The following MED15 variants were observed in gnomAD, a reference collection of about 807,000 sequenced individuals.
MED15 encodes the protein mediator complex subunit 15.
In MED15, 41 loss-of-function variants were observed where a neutral mutation model predicts 118.7. The observed-to-expected ratio is 0.35, with a 90% CI of 0.27 to 0.45. The LOEUF (loss-of-function observed/expected upper bound fraction) is 0.45, where lower values mean the gene tolerates loss of function less well. Among genes scored for constraint, MED15 ranks in the 20% least tolerant of loss-of-function variants. The pLI is 1.00. For synonymous variants in MED15, 436 were observed against 413.9 expected, an observed-to-expected ratio of 1.05 and a Z score of -0.65; for missense variants, 740 against 1,025.5, an observed-to-expected ratio of 0.72 and a Z score of 3.80.
chr22:20,573,518 G>A (rs186756633), intron 8 of MED15, among the ~76,000 whole-genome samples: 114 of 152,208 alleles, frequency 7.5e-4, no homozygotes, highest in Non-Finnish European at 1.4e-3. Flanking sequence ...ACCTGGGGGT[G>A]GGGGAGAGGT....
intron 1 of MED15, among the ~76,000 whole-genome samples, chr22:20,511,030 C>T (rs1010085816): frequency 8.5e-5 from 13 of 152,058 alleles, no homozygotes; most frequent in African/African-American, 2.7e-4. Context: ...CTAGGGTTCA[C>T]GTTGAAAGTC....
Position 20,507,611 on chromosome 22 carries a change from G to C in MED15, c.-68G>C. 1.3e-6 allele frequency: 2 copies of C among 1,599,202 alleles called. No individual in the cohort carries two copies. Among genetic ancestry groups the C allele is most frequent in the Non-Finnish European group, 1.7e-6 (2 of 1,166,880 alleles). On this transcript the variant is annotated 5_prime_UTR_variant, in exon 1 of 18. Transcript: ENST00000263205. ...CGGACGGCTTCCGGGTTTGGGCCTGGCTCTGTGACTGAGGCGGCGGCGGTG... is the reference window on the plus strand; with the variant it reads ...CGGACGGCTTCCGGGTTTGGGCCTGCCTCTGTGACTGAGGCGGCGGCGGTG...
intron 4 of MED15, 78 bp downstream of exon 4, chr22:20,553,252 C>A: frequency 7.0e-7 from 1 of 1,427,222 alleles, no homozygotes; most frequent in Non-Finnish European, 9.8e-7. Flanking sequence ...GTGCATGCCT[C>A]ATGTGCCTGG....
intron 2 of MED15, among the ~76,000 whole-genome samples, chr22:20,546,931 C>T (rs2055567100): frequency 6.6e-6 from 1 of 152,122 alleles, no homozygotes. Flanking sequence ...TGCTTTGGGC[C>T]TTTCAGTGAA....
At chr22:20,525,222 C>T (rs936772809) in intron 1 of MED15, among the ~76,000 whole-genome samples, 1 of 151,966 alleles carries the variant, frequency 6.6e-6, no homozygotes, top group Non-Finnish European at 1.5e-5. Context: ...GCCTAGGAGT[C>T]GGAGGCTGCA....
intron 7 of MED15, among the ~76,000 whole-genome samples, chr22:20,567,098 G>A (rs756380192): frequency 1.1e-4 from 16 of 152,334 alleles, no homozygotes; most frequent in African/African-American, 3.8e-4. Context: ...GATTGCAGCA[G>A]TTCTGTGGGC....
chr22:20,527,735 G>A (rs996425256), intron 1 of MED15, among the ~76,000 whole-genome samples: 6 of 152,002 alleles, frequency 3.9e-5, no homozygotes, highest in African/African-American at 9.7e-5. Context: ...GAGGGCAGGC[G>A]GATCACAAGG....
intron 1 of MED15, among the ~76,000 whole-genome samples, chr22:20,519,509 C>G (rs2054373933): frequency 6.6e-6 from 1 of 151,400 alleles, no homozygotes; most frequent in African/African-American, 2.4e-5. Context: ...GACCTCGGCT[C>G]ACTGGCCTGA....
At chr22:20,576,008 A>G (rs2056814067) in intron 9 of MED15, among the ~76,000 whole-genome samples, 1 of 152,178 alleles carries the variant, frequency 6.6e-6, no homozygotes, top group Non-Finnish European at 1.5e-5. Flanking sequence ...AGGTAGAGGT[A>G]GACTTCTGTG....
intron 1 of MED15, chr22:20,507,999 C>G (rs2053929968): frequency 7.0e-7 from 1 of 1,424,512 alleles, no homozygotes; most frequent in Non-Finnish European, 9.2e-7. Context: ...CTTGAGCTTT[C>G]TCATTCGTCA....
At chr22:20,561,741 G>C (rs904306931) in intron 5 of MED15, among the ~76,000 whole-genome samples, 4 of 152,166 alleles carry the variant, frequency 2.6e-5, no homozygotes, top group Non-Finnish European at 4.4e-5. Context: ...AAGGCCAAGT[G>C]CAGTGGCTCA....
intron 5 of MED15, among the ~76,000 whole-genome samples, chr22:20,557,845 G>T (rs1404118274): frequency 6.6e-6 from 1 of 152,194 alleles, no homozygotes. Flanking sequence ...GGTGGCTCAC[G>T]CCTGTAATCC....
At chr22:20,525,245 C>G (rs894295059) in intron 1 of MED15, among the ~76,000 whole-genome samples, 5 of 151,946 alleles carry the variant, frequency 3.3e-5, no homozygotes, top group African/African-American at 1.2e-4. Context: ...GAGCTGATTG[C>G]GCCACCATAC....
chr22:20,571,906 C>G (rs1342288001), intron 8 of MED15, among the ~76,000 whole-genome samples: 2 of 152,184 alleles, frequency 1.3e-5, no homozygotes, highest in Non-Finnish European at 2.9e-5. Flanking sequence ...CTGGTTGTTT[C>G]CCATAGTCAA....
intron 8 of MED15, among the ~76,000 whole-genome samples, chr22:20,569,883 C>T (rs944997712): frequency 6.6e-6 from 1 of 152,216 alleles, no homozygotes; most frequent in Non-Finnish European, 1.5e-5. Flanking sequence ...GGGGGGCTCC[C>T]TTGTCCTGGT....
intron 3 of MED15, chr22:20,551,692 G>A: frequency 1.6e-6 from 1 of 609,934 alleles, no homozygotes; most frequent in South Asian, 1.9e-5. Context: ...CAAAAATGCT[G>A]ATTCTAGCAT....
intron 5 of MED15, among the ~76,000 whole-genome samples, chr22:20,558,691 C>G (rs777739153): frequency 7.2e-5 from 11 of 152,090 alleles, no homozygotes; most frequent in Non-Finnish European, 1.5e-4. Flanking sequence ...TCAGCTGCTG[C>G]AAGGTGGGGG....
At position 20,586,844 on chromosome 22, in the gene MED15, G is replaced by A. The variant is rs1271500643; in HGVS notation, c.*140G>A. On this transcript the variant is annotated 3_prime_UTR_variant, in exon 18 of 18. Coordinates refer to ENST00000263205, the MANE Select transcript of MED15 (RefSeq NM_001003891.3). Reference sequence around the variant, plus strand: ...CTTTTATCTTCTGCCTTGGGGACCTGCCAAACGAAATCCCACACCTGTACA... The same window carrying A: ...CTTTTATCTTCTGCCTTGGGGACCTACCAAACGAAATCCCACACCTGTACA... The A allele has an allele frequency of 4.6e-6, 6 of 1,306,876 alleles. No homozygotes were observed. The highest frequency in any genetic ancestry group is 1.5e-5 in the African/African-American group (1 of 67,576). 81.0% of individuals were successfully genotyped at this position (1,306,876 alleles called of 1,614,324 possible).
chr22:20,553,322 C>G, intron 4 of MED15, 148 bp downstream of exon 4: 1 of 778,884 alleles, frequency 1.3e-6, no homozygotes, highest in Non-Finnish European at 2.1e-6. Flanking sequence ...GGAGGCTGAC[C>G]AGCTGTGCCC....
Sources: allele counts gnomAD v4.1 joint callset (sites outside exome capture counted in the v4.1 genomes callset), GRCh38; gene constraint gnomAD v4.1.1; transcripts MANE v1.5; gene names NCBI Gene and HGNC (gene_info 2026-07-23, HGNC 2026-07-21).